Variants in ARHGAP21 observed in about 807,000 individuals in gnomAD.
ARHGAP21 encodes the protein Rho GTPase activating protein 21.
ARHGAP21 carries 38 observed loss-of-function variants against 164.6 expected under a neutral mutation model. That is an observed-to-expected ratio of 0.23 (90% CI 0.18 to 0.30). ARHGAP21 has a LOEUF of 0.30. Among genes scored for constraint, ARHGAP21 ranks in the 10% least tolerant of loss-of-function variants. The pLI is 1.00. For synonymous variants in ARHGAP21, 766 were observed against 857.9 expected, an observed-to-expected ratio of 0.89 and a Z score of 1.87; for missense variants, 1,822 against 2,370.7, an observed-to-expected ratio of 0.77 and a Z score of 4.81.
intron 2 of ARHGAP21, among the ~76,000 whole-genome samples, chr10:24,707,245 C>A (rs532174325): frequency 3.0e-4 from 45 of 152,296 alleles, no homozygotes; most frequent in African/African-American, 1.1e-3. Flanking sequence ...AAAGACTTAT[C>A]CTTTAAGCTT....
chr10:24,603,994 G>A lies in ARHGAP21; in HGVS notation c.2721+318C>T, dbSNP rs906768349. Reference sequence around the variant, plus strand: ...TAAATAAGGAAATTCCTGTCTAATAGTTTCTATGTTTTCAGGGAAGTATGA... The same window carrying A: ...TAAATAAGGAAATTCCTGTCTAATAATTTCTATGTTTTCAGGGAAGTATGA... On this transcript the variant is annotated intron_variant, in intron 12 of 25. Transcript: ENST00000396432. Among the ~76,000 whole-genome samples, 4 of 124,598 alleles carry A rather than the reference G, an allele frequency of 3.2e-5. No homozygotes were observed. The South Asian group carries it at 8.4e-4, about 26-fold the overall frequency. The allele number at this position is 124,598 out of a possible 152,430, so 81.7% of individuals were successfully genotyped here.
At chr10:24,618,159 T>C (rs1179832870) in intron 9 of ARHGAP21, among the ~76,000 whole-genome samples, 2 of 152,224 alleles carry the variant, frequency 1.3e-5, no homozygotes, top group Admixed American at 6.5e-5. Context: ...TGTTAGCAGA[T>C]GATGTTTTAG....
At chr10:24,600,132 CAAAA>C (rs56180973) in intron 14 of ARHGAP21, among the ~76,000 whole-genome samples, 8 of 94,856 alleles carry the variant, frequency 8.4e-5, no homozygotes, top group African/African-American at 2.9e-4. Context: ...GACTTCGTTT[CAAAA>C]AAAAAAAAAA....
At chr10:24,638,013 C>T (rs754365768) in intron 4 of ARHGAP21, among the ~76,000 whole-genome samples, 4 of 151,862 alleles carry the variant, frequency 2.6e-5, no homozygotes, top group African/African-American at 4.8e-5. Flanking sequence ...AACAGGTGCC[C>T]GCCACCATGC....
chr10:24,664,554 CA>C (rs905581787), intron 4 of ARHGAP21, among the ~76,000 whole-genome samples: 39 of 136,304 alleles, frequency 2.9e-4, no homozygotes, highest in Admixed American at 3.7e-4. Context: ...GATTCCGTCT[CA>C]AAAAAAAAAA....
At chr10:24,701,829 C>T (rs993066087) in intron 2 of ARHGAP21, among the ~76,000 whole-genome samples, 3 of 152,090 alleles carry the variant, frequency 2.0e-5, no homozygotes, top group East Asian at 1.9e-4. Flanking sequence ...GAAAACAGAC[C>T]GCAGGCTGTA....
At chr10:24,650,550 T>A (rs1202863610) in intron 4 of ARHGAP21, among the ~76,000 whole-genome samples, 1 of 152,094 alleles carries the variant, frequency 6.6e-6, no homozygotes, top group Non-Finnish European at 1.5e-5. Flanking sequence ...GTAGAAAGTA[T>A]AAAAGAAAAA....
chr10:24,663,849 G>C (rs892672950), intron 4 of ARHGAP21, among the ~76,000 whole-genome samples: 1 of 152,150 alleles, frequency 6.6e-6, no homozygotes, highest in Admixed American at 6.5e-5. Context: ...TTTGTTGTGG[G>C]GGGGCTGCCC....
chr10:24,620,874 G>C lies in ARHGAP21; in HGVS notation c.1021C>G (p.Pro341Ala), dbSNP rs768578438. ...CCAGACTTAAGTAAAATTCCAGAAG[G>C]TTCCAGTGATCTGGAGCCTGCAGGC... ...HQPAGSRSLE[P>A]SGILLKSGNY... is the part of the protein sequence containing the mutation. The change falls in exon 9 of 26, where the codon CCT (proline) becomes GCT (alanine). Residue 341 changes from proline (P) to alanine (A), a missense_variant. Coordinates refer to ENST00000396432, the MANE Select transcript of ARHGAP21 (RefSeq NM_020824.4). 2.5e-5 allele frequency: 40 copies of C among 1,613,816 alleles called. No individual in the cohort carries two copies. Among genetic ancestry groups the C allele is most frequent in the Middle Eastern group, 3.3e-4 (2 of 6,078 alleles).
chr10:24,635,138 C>T (rs191225113), intron 4 of ARHGAP21, 35 bp from the exon 5 acceptor site: 12 of 1,382,802 alleles, frequency 8.7e-6, no homozygotes, highest in Non-Finnish European at 1.2e-5. Flanking sequence ...GATTTTACTT[C>T]ACAATACTTT....
intron 7 of ARHGAP21, among the ~76,000 whole-genome samples, chr10:24,626,352 G>A (rs1835138336): frequency 6.6e-6 from 1 of 152,168 alleles, no homozygotes; most frequent in Admixed American, 6.5e-5. Context: ...AATCACCAGT[G>A]TGAATGAGTT....
chr10:24,606,065 TTATC>T (rs1347648411), intron 11 of ARHGAP21, among the ~76,000 whole-genome samples: 2 of 151,806 alleles, frequency 1.3e-5, no homozygotes, highest in African/African-American at 2.4e-5. Flanking sequence ...AGTTGTCTCT[TTATC>T]TAATTTGAAT....
intron 16 of ARHGAP21, 134 bp from the exon 17 acceptor site, chr10:24,597,016 C>G: frequency 1.1e-6 from 1 of 913,084 alleles, no homozygotes; most frequent in African/African-American, 1.8e-5. Context: ...CTATATTTAA[C>G]AAAAATATGT....
At chr10:24,612,584 G>A (rs1427923247) in intron 9 of ARHGAP21, among the ~76,000 whole-genome samples, 1 of 152,228 alleles carries the variant, frequency 6.6e-6, no homozygotes, top group South Asian at 2.1e-4. Context: ...GCCAGGTGTG[G>A]TGGCTCACGC....
intron 2 of ARHGAP21, among the ~76,000 whole-genome samples, chr10:24,712,199 A>G (rs1051448356): frequency 6.6e-6 from 1 of 152,142 alleles, no homozygotes; most frequent in African/African-American, 2.4e-5. Flanking sequence ...TACAGGTGTG[A>G]GCCACTGCAC....
intron 11 of ARHGAP21, among the ~76,000 whole-genome samples, chr10:24,607,282 C>G (rs950757570): frequency 2.6e-5 from 4 of 152,136 alleles, no homozygotes; most frequent in Admixed American, 2.6e-4. Context: ...GCTGCAGTTT[C>G]TAGGATGAGA....
chr10:24,586,368 G>GGAA (rs1287525983), intron 25 of ARHGAP21, among the ~76,000 whole-genome samples: 18 of 152,212 alleles, frequency 1.2e-4, no homozygotes, highest in African/African-American at 4.3e-4. Context: ...CAGGAAAATA[G>GGAA]TCTGTGCTTA....
chr10:24,642,284 G>A (rs1354128692), intron 4 of ARHGAP21, among the ~76,000 whole-genome samples: 1 of 151,988 alleles, frequency 6.6e-6, no homozygotes, highest in Non-Finnish European at 1.5e-5. Flanking sequence ...GGGAGGCCGA[G>A]GCGGGCGGAT....
At chr10:24,625,780 A>T (rs1835083753) in intron 7 of ARHGAP21, among the ~76,000 whole-genome samples, 1 of 152,244 alleles carries the variant, frequency 6.6e-6, no homozygotes, top group Non-Finnish European at 1.5e-5. Flanking sequence ...ATAAACTTCA[A>T]GAAAAACTTA....
Sources: allele counts gnomAD v4.1 joint callset (sites outside exome capture counted in the v4.1 genomes callset), GRCh38; gene constraint gnomAD v4.1.1; transcripts MANE v1.5; gene names NCBI Gene and HGNC (gene_info 2026-07-23, HGNC 2026-07-21).